MYOCD: variants seen among roughly 807,000 people sequenced by gnomAD.
MYOCD encodes the protein myocardin.
A neutral mutation model predicts 96.1 loss-of-function variants in MYOCD; 32 were observed. That is an observed-to-expected ratio of 0.33 (90% CI 0.25 to 0.45). The LOEUF (loss-of-function observed/expected upper bound fraction) is 0.45, where lower values mean the gene tolerates loss of function less well. MYOCD is among the 20% of genes least tolerant of loss of function. MYOCD has a pLI of 1.00. For synonymous variants in MYOCD, 469 were observed against 469.0 expected, an observed-to-expected ratio of 1.00 and a Z score of 0.00; for missense variants, 1,133 against 1,200.6, an observed-to-expected ratio of 0.94 and a Z score of 0.83.
chr17:12,742,387 A>C (rs1410228650), intron 7 of MYOCD, among the ~76,000 whole-genome samples: 1 of 152,062 alleles, frequency 6.6e-6, no homozygotes, highest in Non-Finnish European at 1.5e-5. Flanking sequence ...TCAGATGTGT[A>C]GTTTGTGGTT....
intron 5 of MYOCD, among the ~76,000 whole-genome samples, chr17:12,730,446 CAAA>C (rs374306460): frequency 1.4e-4 from 10 of 70,516 alleles, no homozygotes; most frequent in Admixed American, 4.4e-4. Context: ...AACTCCATCT[CAAA>C]AAAAAAAAAA....
At chr17:12,692,035 A>G (rs1448720059) in intron 1 of MYOCD, among the ~76,000 whole-genome samples, 1 of 152,220 alleles carries the variant, frequency 6.6e-6, no homozygotes, top group East Asian at 1.9e-4. Flanking sequence ...AAAAGGAATA[A>G]AAGAAAGGAA....
chr17:12,754,286 T>C (rs2032949058), intron 10 of MYOCD, among the ~76,000 whole-genome samples: 1 of 152,134 alleles, frequency 6.6e-6, no homozygotes, highest in South Asian at 2.1e-4. Flanking sequence ...GTATTTTTAG[T>C]AGAGACAGAG....
At chr17:12,725,465 A>G (rs2031969051) in intron 5 of MYOCD, among the ~76,000 whole-genome samples, 1 of 148,518 alleles carries the variant, frequency 6.7e-6, no homozygotes, top group South Asian at 2.1e-4. Context: ...CAAACCAAAT[A>G]ATATATATCT....
At chr17:12,748,197 GGAGA>G (rs960485108) in intron 9 of MYOCD, among the ~76,000 whole-genome samples, 7 of 149,258 alleles carry the variant, frequency 4.7e-5, no homozygotes, top group South Asian at 2.1e-4. Context: ...CAAAAAAACT[GGAGA>G]GAGAGAGAAA....
At chr17:12,699,892 CT>C (rs36068735) in intron 1 of MYOCD, among the ~76,000 whole-genome samples, 41,694 of 131,584 alleles carry the variant, frequency 0.32, 6,860 homozygotes, top group Non-Finnish European at 0.38. Flanking sequence ...ATATATATTT[CT>C]TTTTTTTTTT....
rs1453556592 is a variant in MYOCD, at chr17:12,736,269, C to T, written c.524C>T (p.Ser175Leu). Reference sequence around the variant, plus strand: ...ACTCGAAGTGAAGACCCCCAAAACTCAGCGGGATCCCCGCCAGACGCTAAA... The same window carrying T: ...ACTCGAAGTGAAGACCCCCAAAACTTAGCGGGATCCCCGCCAGACGCTAAA... ...DQTRSEDPQN[S>L]AGSPPDAKAS... is the part of the protein sequence containing the mutation. Residue 175 changes from serine (S) to leucine (L), a missense_variant, in exon 6 of 14, where the codon TCA (serine) becomes TTA (leucine). By Grantham distance (145) the Ser-to-Leu change is moderately radical. Coordinates refer to ENST00000425538, the MANE Select transcript of MYOCD (RefSeq NM_001146312.3). 1 of 1,614,232 alleles carries T rather than the reference C, an allele frequency of 6.2e-7. No individual in the cohort carries two copies. Among genetic ancestry groups the T allele is most frequent in the South Asian group, 1.1e-5 (1 of 91,090 alleles).
intron 1 of MYOCD, among the ~76,000 whole-genome samples, chr17:12,679,376 T>G (rs11657108): frequency 0.045 from 6,867 of 152,166 alleles, 264 homozygotes; most frequent in Non-Finnish European, 0.065. Context: ...TTAGTAGAAA[T>G]GCAGCCTTCA....
chr17:12,704,848 T>C, intron 1 of MYOCD: 1 of 349,174 alleles, frequency 2.9e-6, no homozygotes, highest in Non-Finnish European at 5.3e-6. Flanking sequence ...TGACAGAGTG[T>C]AGAGAGAGAG....
intron 1 of MYOCD, among the ~76,000 whole-genome samples, chr17:12,697,329 A>G (rs1323480873): frequency 7.6e-6 from 1 of 132,098 alleles, no homozygotes; most frequent in African/African-American, 2.7e-5. Context: ...CTTTTCTGGT[A>G]TAGGAGTATA....
chr17:12,757,770 A>G (rs1456008345), intron 11 of MYOCD, among the ~76,000 whole-genome samples: 1 of 152,096 alleles, frequency 6.6e-6, no homozygotes, highest in Non-Finnish European at 1.5e-5. Context: ...CTAGTATTAC[A>G]GCTATGAGCC....
At chr17:12,679,845 G>A (rs1910341476) in intron 1 of MYOCD, among the ~76,000 whole-genome samples, 2 of 152,200 alleles carry the variant, frequency 1.3e-5, no homozygotes, top group African/African-American at 4.8e-5. Flanking sequence ...TTGAGAAATT[G>A]TAGGGTAGGT....
At chr17:12,669,902 A>G (rs1712036576) in intron 1 of MYOCD, among the ~76,000 whole-genome samples, 1 of 152,066 alleles carries the variant, frequency 6.6e-6, no homozygotes, top group Non-Finnish European at 1.5e-5. Flanking sequence ...CCAATATCCT[A>G]TCAAGCTCTT....
At chr17:12,715,461 G>C (rs369270442) in intron 2 of MYOCD, 58 bp from the exon 3 acceptor site, 5 of 1,486,520 alleles carry the variant, frequency 3.4e-6, no homozygotes, top group Non-Finnish European at 4.7e-6. Flanking sequence ...CAAACTCTGC[G>C]ATACAGACCA....
rs749557798 is a variant in MYOCD at position 12,753,315 on chromosome 17, C to T, written c.2027C>T (p.Ser676Leu). 3.5e-5 allele frequency: 56 copies of T among 1,607,304 alleles called. No homozygotes were observed. Among genetic ancestry groups the T allele is most frequent in the Non-Finnish European group, 4.4e-5 (52 of 1,176,692 alleles). Residue 676 changes from serine to leucine, a missense_variant, in exon 10 of 14, where the codon TCG becomes TTG. Transcript: ENST00000425538. ...GAQGEGHRVS[S>L]PISSQVCTAQ... ...CAGGGAGAAGGGCACAGGGTCTCCT[C>T]GCCCATCAGCAGCCAGGTGTGCACT... is the stretch of plus-strand genomic sequence containing the variant.
At chr17:12,757,759 G>C (rs2033053745) in intron 11 of MYOCD, among the ~76,000 whole-genome samples, 1 of 152,034 alleles carries the variant, frequency 6.6e-6, no homozygotes, top group Non-Finnish European at 1.5e-5. Flanking sequence ...CTCCCAAAGT[G>C]CTAGTATTAC....
At chr17:12,755,905 A>C (rs945665322) in intron 10 of MYOCD, among the ~76,000 whole-genome samples, 1 of 152,136 alleles carries the variant, frequency 6.6e-6, no homozygotes, top group African/African-American at 2.4e-5. Context: ...AATAAAGAAC[A>C]ATATAGGTTA....
At position 12,729,383 on chromosome 17, in the gene MYOCD, A is replaced by T. The variant is rs1006044246; in HGVS notation, c.415+6375A>T. 7.2e-5 allele frequency among the ~76,000 whole-genome samples: 11 copies of T among 152,098 alleles called. No individual in the cohort carries two copies. In the East Asian group the frequency reaches 2.1e-3, roughly 30 times the overall value. Reference sequence around the variant, plus strand: ...GCTGAGAGAGAAAGGAAGTGCCTGGAGTCTGCCTCTGCCGCCCTGTGAAGT... The same window carrying T: ...GCTGAGAGAGAAAGGAAGTGCCTGGTGTCTGCCTCTGCCGCCCTGTGAAGT... On this transcript the variant is annotated intron_variant, in intron 5 of 13. Transcript: ENST00000425538.
chr17:12,745,013 A>G lies in MYOCD; in HGVS notation c.971+577A>G, dbSNP rs553623013. ...AGGCCCCTTTGGGGAAAAGGAAAGT[A>G]TTAGCACTTTCAAGTTGGACTATGG... is the stretch of plus-strand genomic sequence containing the variant. On this transcript the variant is annotated intron_variant, in intron 8 of 13. Coordinates refer to ENST00000425538, the MANE Select transcript of MYOCD (RefSeq NM_001146312.3). 9.1e-4 allele frequency among the ~76,000 whole-genome samples: 138 copies of G among 152,282 alleles called. No homozygotes were observed. The Middle Eastern group carries it at 0.017, about 19-fold the overall frequency.
Sources: allele counts gnomAD v4.1 joint callset (sites outside exome capture counted in the v4.1 genomes callset), GRCh38; gene constraint gnomAD v4.1.1; transcripts MANE v1.5; gene names NCBI Gene and HGNC (gene_info 2026-07-23, HGNC 2026-07-21).